Variants in CSNK1A1 observed in about 807,000 individuals in gnomAD.
CSNK1A1 encodes the protein casein kinase 1 alpha 1, also known as casein kinase I isoform alpha.
In CSNK1A1, 7 loss-of-function variants were observed where a neutral mutation model predicts 46.1. The observed-to-expected ratio is 0.15, with a 90% CI of 0.09 to 0.29. The LOEUF is 0.29. Among genes scored for constraint, CSNK1A1 ranks in the 10% least tolerant of loss-of-function variants. The pLI is 1.00. For missense variants in CSNK1A1, 96 were observed against 417.1 expected (o/e 0.23, Z 6.71); for synonymous variants, 137 against 141.5 (o/e 0.97, Z 0.23).
At chr5:149,545,497 C>G (rs1281410699) in intron 2 of CSNK1A1, 6 of 622,922 alleles carry the variant, frequency 9.6e-6, no homozygotes, top group Non-Finnish European at 1.7e-5. Context: ...CCCACACAGT[C>G]TGAGCCCCTT....
rs968692681 is a variant in CSNK1A1, at chr5:149,511,827, A to G, written c.642T>C (p.Phe214=). The change falls in exon 6 of 10, where the codon TTT becomes TTC. Residue 214 remains phenylalanine (F), a synonymous_variant. Transcript: ENST00000377843. ...MESLGYVLMY[F]NRTSLPWQGL... is the part of the protein sequence containing the mutation. The stretch of plus-strand genomic sequence containing the variant: ...CTTGCCATGGCAGGCTGGTTCTATT[A>G]AAATACATCAAAACATATCCTAATG... 3 of 1,610,814 alleles carry G rather than the reference A, an allele frequency of 1.9e-6. No individual in the cohort carries two copies. The highest frequency in any genetic ancestry group is 2.7e-5 in the African/African-American group (2 of 74,948).
intron 4 of CSNK1A1, among the ~76,000 whole-genome samples, chr5:149,514,364 A>T (rs1307720023): frequency 6.6e-6 from 1 of 152,180 alleles, no homozygotes; most frequent in African/African-American, 2.4e-5. Context: ...GAAATCCAAA[A>T]CATATTCATA....
intron 3 of CSNK1A1, among the ~76,000 whole-genome samples, chr5:149,523,823 C>T (rs1434415602): frequency 6.6e-6 from 1 of 152,170 alleles, no homozygotes; most frequent in Non-Finnish European, 1.5e-5. Flanking sequence ...AGGAACATTA[C>T]AATTCTACTC....
chr5:149,507,050 C>T lies in CSNK1A1; in HGVS notation c.834G>A (p.Arg278=), dbSNP rs1289193147. The T allele has an allele frequency of 6.2e-7, 1 of 1,613,428 alleles. No homozygotes were observed. Among genetic ancestry groups the T allele is most frequent in the Non-Finnish European group, 8.5e-7 (1 of 1,179,750 alleles). Residue 278 remains arginine (R), a synonymous_variant, in exon 8 of 10, where the codon AGG becomes AGA. Transcript: ENST00000377843. ...FEEAPDYMYL[R]QLFRILFRTL... ...ACCTGAAAAGAATGCGGAATAGCTG[C>T]CTCAGATACATGTAATCTGGGGCTT...
At chr5:149,529,060 TAA>T (rs923309425) in intron 2 of CSNK1A1, among the ~76,000 whole-genome samples, 3 of 152,258 alleles carry the variant, frequency 2.0e-5, no homozygotes, top group Admixed American at 2.0e-4. Flanking sequence ...ATTATGAGAC[TAA>T]AAAAAGTATT....
chr5:149,551,257 C>T lies in CSNK1A1; in HGVS notation c.-293G>A, dbSNP rs545338672. On this transcript the variant is annotated 5_prime_UTR_variant, in exon 1 of 10. Coordinates refer to ENST00000377843, the MANE Select transcript of CSNK1A1 (RefSeq NM_001892.6). ...CTGCCTCGCTTGCGCGGCGACGTCG[C>T]GGGCTGGAAAAGGGGCGCGGTGAGC... The T allele has an allele frequency of 6.2e-5, 18 of 291,564 alleles. 1 individual carries two copies. The South Asian group carries it at 7.6e-4, about 12-fold the overall frequency. 18.1% of individuals were successfully genotyped at this position (291,564 alleles called of 1,614,324 possible).
At chr5:149,514,936 CA>C (rs888463639) in intron 4 of CSNK1A1, among the ~76,000 whole-genome samples, 10 of 152,272 alleles carry the variant, frequency 6.6e-5, no homozygotes, top group African/African-American at 2.2e-4. Flanking sequence ...CAAGTCATTA[CA>C]GGAAAATTTG....
chr5:149,504,482 C>T, intron 9 of CSNK1A1: 1 of 985,302 alleles, frequency 1.0e-6, no homozygotes, highest in Non-Finnish European at 1.2e-6. Context: ...TCTTACTTGC[C>T]CACTACTTCC....
chr5:149,522,703 G>T (rs1761608227), intron 3 of CSNK1A1, among the ~76,000 whole-genome samples: 1 of 152,162 alleles, frequency 6.6e-6, no homozygotes, highest in African/African-American at 2.4e-5. Flanking sequence ...AGACTTAGGT[G>T]TCAACTACCT....
intron 2 of CSNK1A1, among the ~76,000 whole-genome samples, chr5:149,538,319 G>T (rs1471006258): frequency 6.6e-6 from 1 of 152,114 alleles, no homozygotes; most frequent in Non-Finnish European, 1.5e-5. Flanking sequence ...ACCGCGCCCG[G>T]CTGTCCAGTT....
At chr5:149,523,583 C>G (rs1254593994) in intron 3 of CSNK1A1, among the ~76,000 whole-genome samples, 2 of 152,184 alleles carry the variant, frequency 1.3e-5, no homozygotes, top group Non-Finnish European at 2.9e-5. Context: ...TTTGCTTGAG[C>G]CACTGAGTAC....
At chr5:149,500,576 CTTTT>C (rs889816265) in intron 9 of CSNK1A1, among the ~76,000 whole-genome samples, 4 of 151,264 alleles carry the variant, frequency 2.6e-5, no homozygotes, top group Non-Finnish European at 5.9e-5. Flanking sequence ...CGCACCCGGC[CTTTT>C]TTTTTCTTTT....
At chr5:149,529,747 A>C (rs1249864637) in intron 2 of CSNK1A1, 1 of 456,278 alleles carries the variant, frequency 2.2e-6, no homozygotes, top group Non-Finnish European at 4.4e-6. Context: ...AACTATTACT[A>C]CAGTTTGTGG....
In CSNK1A1 at chr5:149,495,466, A is replaced by C. The variant is rs567567228; in HGVS notation, c.*1387T>G. ...GAGAAAAAGAAATGAGCGTGCAAAGAAGATTGAGAGGAAGCGCACGCACAC... is the reference window on the plus strand; with the variant it reads ...GAGAAAAAGAAATGAGCGTGCAAAGCAGATTGAGAGGAAGCGCACGCACAC... On this transcript the variant is annotated 3_prime_UTR_variant, in exon 10 of 10. Transcript: ENST00000377843. 5.1e-4 allele frequency: 77 copies of C among 152,274 alleles called. 1 individual carries two copies. The highest frequency in any genetic ancestry group is 1.7e-3 in the African/African-American group (71 of 41,538). 9.4% of individuals were successfully genotyped at this position (152,274 alleles called of 1,614,324 possible). A position where few individuals can be genotyped will look rare whatever the true frequency, so the allele number is the denominator to read the frequency against.
At position 149,494,207 on chromosome 5, in the gene CSNK1A1, C is replaced by T. The variant is rs531531463; in HGVS notation, c.*2646G>A. 2.6e-5 allele frequency: 4 copies of T among 152,118 alleles called. No homozygotes were observed. Among genetic ancestry groups the T allele is most frequent in the Admixed American group, 2.6e-4 (4 of 15,272 alleles). The allele number at this position is 152,118 out of a possible 1,614,324, so 9.4% of individuals were successfully genotyped here. A position where few individuals can be genotyped will look rare whatever the true frequency, so the allele number is the denominator to read the frequency against. ...CATTTATGAGTACTGCAAGGACTAA[C>T]AGAAACAGGAAAAATCCTACTAAAA... On this transcript the variant is annotated 3_prime_UTR_variant, in exon 10 of 10. Transcript: ENST00000377843.
At chr5:149,503,286 A>C in intron 9 of CSNK1A1, 1 of 985,494 alleles carries the variant, frequency 1.0e-6, no homozygotes, top group Non-Finnish European at 1.2e-6. Flanking sequence ...CCCGAAGGCC[A>C]GCTACATTTT....
At chr5:149,537,151 G>C (rs547230054) in intron 2 of CSNK1A1, among the ~76,000 whole-genome samples, 2 of 152,162 alleles carry the variant, frequency 1.3e-5, no homozygotes, top group South Asian at 4.1e-4. Context: ...TGAGGCAGGT[G>C]GATCACTTGA....
rs1333612109 is a variant in CSNK1A1 at position 149,525,310 on chromosome 5, C to G, written c.231-139G>C. 10 of 879,942 alleles carry G rather than the reference C, an allele frequency of 1.1e-5. No homozygotes were observed. The East Asian group carries it at 2.7e-4, about 24-fold the overall frequency. The allele number at this position is 879,942 out of a possible 1,614,324, so 54.5% of individuals were successfully genotyped here. A position where few individuals can be genotyped will look rare whatever the true frequency, so the allele number is the denominator to read the frequency against. ...TTCCCCTACTCAGAAGACAAACCCA[C>G]TAATTAACTACAAGGCCCAAAGACA... On this transcript the variant is annotated intron_variant, in intron 2 of 9. Coordinates refer to ENST00000377843, the MANE Select transcript of CSNK1A1 (RefSeq NM_001892.6). This position sits in a 1 kb window ranked among gnomAD's most constrained non-coding sequence, Gnocchi z 4.2.
intron 3 of CSNK1A1, among the ~76,000 whole-genome samples, chr5:149,524,839 T>A (rs1187912406): frequency 1.3e-5 from 2 of 152,188 alleles, no homozygotes; most frequent in Non-Finnish European, 2.9e-5. Flanking sequence ...AAACTACTAG[T>A]CTACAGATGA....
Sources: allele counts gnomAD v4.1 joint callset (sites outside exome capture counted in the v4.1 genomes callset), GRCh38; gene constraint gnomAD v4.1.1; non-coding constraint Gnocchi (gnomAD v3.1); transcripts MANE v1.5; gene names NCBI Gene and HGNC (gene_info 2026-07-23, HGNC 2026-07-21).